The following GALNT13 variants were observed in gnomAD, a reference collection of about 807,000 sequenced individuals.
GALNT13 encodes UDP-GalNAc:polypeptide N-acetylgalactosaminyltransferase 13.
In GALNT13, 28 loss-of-function variants were observed where a neutral mutation model predicts 64.2. The ratio of observed to expected loss-of-function variants is 0.44; its 90% CI spans 0.32 to 0.60. The LOEUF (loss-of-function observed/expected upper bound fraction) is 0.60, where lower values mean the gene tolerates loss of function less well. GALNT13 is among the 20% of genes least tolerant of loss of function. The probability of loss-of-function intolerance (pLI) is 0.05; values close to 1 mark genes in which losing one functional copy is unlikely to be tolerated. For synonymous variants in GALNT13, 214 were observed against 224.6 expected (o/e 0.95, Z 0.42); for missense variants, 577 against 669.8 (o/e 0.86, Z 1.53).
chr2:153,889,958 G>A (rs1687443472), intron 1 of GALNT13, among the ~76,000 whole-genome samples: 1 of 151,552 alleles, frequency 6.6e-6, no homozygotes, highest in Non-Finnish European at 1.5e-5. Flanking sequence ...TAGTTTTGTG[G>A]GTGTGTCTGC....
the GALNT13 span, among the ~76,000 whole-genome samples, chr2:153,291,162 T>A: frequency 6.6e-6 from 1 of 152,212 alleles, no homozygotes; most frequent in Non-Finnish European, 1.5e-5. Flanking sequence ...TGATTGTTAA[T>A]CAGATATTTT....
intron 3 of GALNT13, among the ~76,000 whole-genome samples, chr2:154,037,986 A>T (rs970752981): frequency 4.6e-5 from 7 of 152,040 alleles, no homozygotes; most frequent in East Asian, 1.9e-4. Context: ...AACTCTACAA[A>T]TTTTTTTTAA....
chr2:153,533,668 C>T, the GALNT13 span, among the ~76,000 whole-genome samples: 91 of 134,588 alleles, frequency 6.8e-4, no homozygotes, highest in African/African-American at 2.5e-3. Flanking sequence ...TTCCCCTTCA[C>T]GTATGTTGCA....
At chr2:154,409,139 A>C (rs775235142) in intron 11 of GALNT13, 57 bp downstream of exon 11, 1 of 1,025,830 alleles carries the variant, frequency 9.7e-7, no homozygotes, top group Non-Finnish European at 1.6e-6. Flanking sequence ...TGTTAAAACT[A>C]TCAGTGGAGA....
At chr2:153,218,397 T>A in the GALNT13 span, among the ~76,000 whole-genome samples, 1 of 152,318 alleles carries the variant, frequency 6.6e-6, no homozygotes, top group East Asian at 1.9e-4. Flanking sequence ...CATGTATTTC[T>A]GCCCTTCCTC....
At chr2:153,108,927 G>A in the GALNT13 span, among the ~76,000 whole-genome samples, 1 of 152,064 alleles carries the variant, frequency 6.6e-6, no homozygotes, top group African/African-American at 2.4e-5. Context: ...TTGCAATTTG[G>A]AGTCAATTAC....
At chr2:153,191,282 A>G in the GALNT13 span, among the ~76,000 whole-genome samples, 1 of 152,106 alleles carries the variant, frequency 6.6e-6, no homozygotes, top group Non-Finnish European at 1.5e-5. Flanking sequence ...TTTATCATGA[A>G]GTGATGTTGA....
At chr2:153,988,765 C>T (rs528024528) in intron 3 of GALNT13, among the ~76,000 whole-genome samples, 21 of 151,800 alleles carry the variant, frequency 1.4e-4, no homozygotes, top group South Asian at 8.3e-4. Flanking sequence ...GATCTAAATA[C>T]GTAATAAAAG....
chr2:153,553,396 G>A, the GALNT13 span, among the ~76,000 whole-genome samples: 2 of 152,198 alleles, frequency 1.3e-5, no homozygotes, highest in Non-Finnish European at 2.9e-5. Flanking sequence ...CAGCTACTCA[G>A]GAGGCTGAGG....
chr2:153,727,938 C>T, the GALNT13 span, among the ~76,000 whole-genome samples: 1 of 152,142 alleles, frequency 6.6e-6, no homozygotes, highest in Admixed American at 6.5e-5. Context: ...TGTTCCCCTC[C>T]CTGTGTCCAT....
At chr2:153,674,202 T>A in the GALNT13 span, among the ~76,000 whole-genome samples, 27 of 152,036 alleles carry the variant, frequency 1.8e-4, no homozygotes, top group African/African-American at 6.3e-4. Flanking sequence ...AAAAAAGTAG[T>A]TTAAAGTTCA....
intron 10 of GALNT13, among the ~76,000 whole-genome samples, chr2:154,400,273 A>G (rs757532555): frequency 9.8e-5 from 15 of 152,290 alleles, no homozygotes; most frequent in African/African-American, 2.2e-4. Context: ...TCCCAAAGCA[A>G]TATCAGGTGT....
chr2:154,146,122 G>GCA (rs1558985183), intron 4 of GALNT13, among the ~76,000 whole-genome samples: 1 of 145,582 alleles, frequency 6.9e-6, no homozygotes. Flanking sequence ...TATGCACAAT[G>GCA]TATGTGTGTG....
the GALNT13 span, among the ~76,000 whole-genome samples, chr2:153,413,051 G>A: frequency 1.3e-5 from 2 of 152,268 alleles, no homozygotes; most frequent in African/African-American, 4.8e-5. Context: ...TCTATAGACA[G>A]TTAAGGATGA....
chr2:153,826,776 G>A, the GALNT13 span, among the ~76,000 whole-genome samples: 2 of 152,164 alleles, frequency 1.3e-5, no homozygotes, highest in South Asian at 2.1e-4. Flanking sequence ...AGGGGGCTTG[G>A]ACTCAGGTAG....
chr2:153,613,629 T>C, the GALNT13 span, among the ~76,000 whole-genome samples: 1 of 152,100 alleles, frequency 6.6e-6, no homozygotes, highest in African/African-American at 2.4e-5. Context: ...GAAAATAAAA[T>C]GAAGAATCCT....
chr2:154,252,128 G>A (rs1690101486), intron 7 of GALNT13, among the ~76,000 whole-genome samples: 1 of 151,880 alleles, frequency 6.6e-6, no homozygotes, highest in South Asian at 2.1e-4. Context: ...TGTGGTCTCT[G>A]AAACATTCTT....
At chr2:153,369,576 G>C in the GALNT13 span, among the ~76,000 whole-genome samples, 1 of 152,090 alleles carries the variant, frequency 6.6e-6, no homozygotes, top group Non-Finnish European at 1.5e-5. Context: ...ATGCCTGTAC[G>C]TAATCTCCTC....
At chr2:153,445,955 T>C in the GALNT13 span, among the ~76,000 whole-genome samples, 3 of 152,312 alleles carry the variant, frequency 2.0e-5, no homozygotes, top group African/African-American at 7.2e-5. Flanking sequence ...GTTTCTAAGG[T>C]TTTTCTTTTT....
Sources: allele counts gnomAD v4.1 joint callset (sites outside exome capture counted in the v4.1 genomes callset), GRCh38; gene constraint gnomAD v4.1.1; transcripts MANE v1.5; gene names NCBI Gene and HGNC (gene_info 2026-07-23, HGNC 2026-07-21).